The following DENND1A variants were observed in gnomAD, a reference collection of about 807,000 sequenced individuals.
The protein encoded by DENND1A is DENN domain containing 1A.
A neutral mutation model predicts 113.7 loss-of-function variants in DENND1A; 51 were observed. The ratio of observed to expected loss-of-function variants is 0.45; its 90% CI spans 0.36 to 0.57. The LOEUF (loss-of-function observed/expected upper bound fraction) is 0.57, where lower values mean the gene tolerates loss of function less well. Ranked by LOEUF, DENND1A falls within the 20% of genes least tolerant of loss-of-function variation. The pLI is 0.00. For synonymous variants in DENND1A, 565 were observed against 570.8 expected (o/e 0.99, Z 0.14); for missense variants, 1,258 against 1,395.9 (o/e 0.90, Z 1.57).
chr9:123,815,503 A>C (rs1019520866), intron 2 of DENND1A, among the ~76,000 whole-genome samples: 12 of 152,220 alleles, frequency 7.9e-5, no homozygotes, highest in Non-Finnish European at 1.6e-4. Flanking sequence ...ACCAGAAATA[A>C]CTTCTAATAA....
intron 2 of DENND1A, among the ~76,000 whole-genome samples, chr9:123,863,679 CG>C (rs1314251775): frequency 1.3e-5 from 2 of 151,912 alleles, no homozygotes; most frequent in Non-Finnish European, 2.9e-5. Flanking sequence ...ATGCTGCCTT[CG>C]CAAACTGTTG....
At chr9:123,500,683 C>T (rs2052400521) in intron 13 of DENND1A, among the ~76,000 whole-genome samples, 1 of 152,196 alleles carries the variant, frequency 6.6e-6, no homozygotes, top group African/African-American at 2.4e-5. Context: ...AGGGCAAAGA[C>T]AGTGTTCTGT....
chr9:123,743,078 C>T lies in DENND1A; in HGVS notation c.302+14625G>A, dbSNP rs531380353. Among the ~76,000 whole-genome samples, 109 of 152,248 alleles carry T rather than the reference C, an allele frequency of 7.2e-4. 2 individuals carry two copies. Among genetic ancestry groups the T allele is most frequent in the Non-Finnish European group, 2.6e-4 (18 of 68,022 alleles). On this transcript the variant is annotated intron_variant, in intron 5 of 23. Coordinates refer to ENST00000394215, the MANE Select transcript of DENND1A (RefSeq NM_001352964.2). ...CCTTGGACTGAGTACCAAAGATGTGCTATGCACTGTGCGTGGTATGTCCAT... is the reference window on the plus strand; with the variant it reads ...CCTTGGACTGAGTACCAAAGATGTGTTATGCACTGTGCGTGGTATGTCCAT...
At chr9:123,549,125 G>T (rs562845741) in intron 13 of DENND1A, among the ~76,000 whole-genome samples, 1 of 152,186 alleles carries the variant, frequency 6.6e-6, no homozygotes, top group Non-Finnish European at 1.5e-5. Flanking sequence ...ACAGACCTGG[G>T]TGTGATGGGG....
chr9:123,824,269 C>G (rs1378151942), intron 2 of DENND1A, among the ~76,000 whole-genome samples: 3 of 152,136 alleles, frequency 2.0e-5, no homozygotes, highest in African/African-American at 7.2e-5. Context: ...AACTTAAGCT[C>G]TTACACTCTA....
intron 12 of DENND1A, among the ~76,000 whole-genome samples, chr9:123,568,665 C>T (rs2058184901): frequency 6.6e-6 from 1 of 152,152 alleles, no homozygotes; most frequent in African/African-American, 2.4e-5. Flanking sequence ...CAGCCACAAT[C>T]CTGGGCTGAA....
chr9:123,775,673 T>C (rs1752168), intron 3 of DENND1A, among the ~76,000 whole-genome samples: 30,396 of 152,132 alleles, frequency 0.2, 4,155 homozygotes, highest in African/African-American at 0.39. Flanking sequence ...TCTTTCATTA[T>C]CAAGCTCAAA....
intron 8 of DENND1A, among the ~76,000 whole-genome samples, chr9:123,661,809 T>G (rs559881983): frequency 6.6e-6 from 1 of 151,912 alleles, no homozygotes; most frequent in East Asian, 1.9e-4. Context: ...AGAAGTAAAT[T>G]TCCAAAGATG....
intron 5 of DENND1A, among the ~76,000 whole-genome samples, chr9:123,728,616 A>G (rs1157522238): frequency 6.6e-6 from 1 of 152,056 alleles, no homozygotes. Flanking sequence ...AAACTAGAAG[A>G]GCAAAATTTA....
chr9:123,781,513 T>C (rs1590060340), intron 3 of DENND1A, among the ~76,000 whole-genome samples: 2 of 152,248 alleles, frequency 1.3e-5, no homozygotes, highest in East Asian at 3.9e-4. Context: ...ACATCATCAA[T>C]TACACAGAAG....
intron 12 of DENND1A, among the ~76,000 whole-genome samples, chr9:123,577,883 T>C (rs996996577): frequency 4.6e-5 from 7 of 152,166 alleles, no homozygotes; most frequent in African/African-American, 1.7e-4. Context: ...ATGATCTTTA[T>C]AGCTAATTTA....
intron 11 of DENND1A, among the ~76,000 whole-genome samples, chr9:123,608,405 G>A (rs767753166): frequency 1.3e-5 from 2 of 152,106 alleles, no homozygotes; most frequent in Admixed American, 6.6e-5. Context: ...AAGCACCACC[G>A]CAGACGGACA....
chr9:123,904,596 T>C (rs1251027619), intron 1 of DENND1A, among the ~76,000 whole-genome samples: 5 of 148,516 alleles, frequency 3.4e-5, no homozygotes, highest in African/African-American at 1.3e-4. Flanking sequence ...GCCGATGCAA[T>C]CAACTGGAAG....
At chr9:123,671,249 G>A (rs1429575450) in intron 7 of DENND1A, 42 bp downstream of exon 7, 1 of 1,608,636 alleles carries the variant, frequency 6.2e-7, no homozygotes, top group Admixed American at 1.7e-5. Flanking sequence ...TGTCAATAAT[G>A]AAATGCGTTT....
intron 7 of DENND1A, 66 bp downstream of exon 7, chr9:123,671,225 T>C: frequency 6.3e-7 from 1 of 1,582,442 alleles, no homozygotes; most frequent in Non-Finnish European, 8.7e-7. Context: ...CCTGTTCAGC[T>C]AGCTCCCTCT....
chr9:123,697,090 T>C (rs527520327), intron 5 of DENND1A, among the ~76,000 whole-genome samples: 11 of 152,294 alleles, frequency 7.2e-5, no homozygotes, highest in Middle Eastern at 3.4e-3. Context: ...AATTCTAACA[T>C]GGTGAAGATC....
chr9:123,728,499 A>C (rs1319647696), intron 5 of DENND1A, among the ~76,000 whole-genome samples: 8 of 147,186 alleles, frequency 5.4e-5, no homozygotes, highest in Admixed American at 6.7e-5. Flanking sequence ...AAAAAAAAAA[A>C]AAAAAAAAAA....
intron 19 of DENND1A, among the ~76,000 whole-genome samples, chr9:123,427,549 T>A (rs2045835543): frequency 6.6e-6 from 1 of 152,190 alleles, no homozygotes; most frequent in Admixed American, 6.5e-5. Context: ...CTGGTTAATG[T>A]CTGACCTTGA....
intron 1 of DENND1A, among the ~76,000 whole-genome samples, chr9:123,921,569 T>C (rs1856260232): frequency 6.6e-6 from 1 of 152,118 alleles, no homozygotes; most frequent in Non-Finnish European, 1.5e-5. Context: ...CAAAAGGTGG[T>C]TTTTCTTTTC....
Sources: gnomAD v4.1 joint callset for allele counts (sites outside exome capture counted in the v4.1 genomes callset) on GRCh38, gnomAD v4.1.1 for gene constraint, MANE v1.5 for transcripts, NCBI Gene and HGNC (gene_info 2026-07-23, HGNC 2026-07-21) for gene names.